The following ZNF2 variants were observed in gnomAD, a reference collection of about 807,000 sequenced individuals.
ZNF2 encodes zinc finger protein 2.
Under a neutral mutation model 21.9 loss-of-function variants are expected in ZNF2, and 12 were observed. That is an observed-to-expected ratio of 0.55 (90% confidence interval 0.35 to 0.89). The LOEUF is 0.89. Ranked by LOEUF, ZNF2 falls within the 40% of genes least tolerant of loss-of-function variation. The pLI, the probability that ZNF2 is intolerant of heterozygous loss-of-function variation, is 0.01. For missense variants in ZNF2, 462 were observed against 544.2 expected (o/e 0.85, Z 1.50); for synonymous variants, 186 against 196.3 (o/e 0.95, Z 0.44).
intron 3 of ZNF2, 102 bp from the exon 4 acceptor site, chr2:95,180,057 A>T (rs1674584511): frequency 1.2e-6 from 1 of 827,566 alleles, no homozygotes; most frequent in Non-Finnish European, 2.0e-6. Context: ...ATGCTGTCTC[A>T]ACAACAACAA....
intron 1 of ZNF2, among the ~76,000 whole-genome samples, chr2:95,171,034 G>A (rs1169956214): frequency 1.3e-5 from 2 of 152,096 alleles, no homozygotes; most frequent in Non-Finnish European, 2.9e-5. Context: ...TGCCTTCCTT[G>A]TATTACAACT....
intron 1 of ZNF2, among the ~76,000 whole-genome samples, chr2:95,167,643 T>A (rs1219858841): frequency 1.4e-5 from 2 of 142,484 alleles, no homozygotes; most frequent in African/African-American, 2.6e-5. Context: ...ACGTCAGGAG[T>A]TCAAGACCAG....
intron 1 of ZNF2, among the ~76,000 whole-genome samples, chr2:95,167,187 C>G (rs928123698): frequency 6.6e-6 from 1 of 152,064 alleles, no homozygotes; most frequent in Non-Finnish European, 1.5e-5. Flanking sequence ...GAAGCTTGTC[C>G]GAACAGTGAA....
chr2:95,169,509 C>T (rs760505161), intron 1 of ZNF2, among the ~76,000 whole-genome samples: 2 of 152,212 alleles, frequency 1.3e-5, no homozygotes, highest in Non-Finnish European at 2.9e-5. Context: ...AATCTCAGCA[C>T]TTTGGGATGC....
rs1466455196 is a variant in ZNF2, at chr2:95,176,294, T to G, written c.33+35T>G. The G allele has an allele frequency of 1.9e-6, 3 of 1,614,032 alleles. No individual in the cohort carries two copies. The South Asian group carries it at 3.3e-5, about 18-fold the overall frequency. On this transcript the variant is annotated intron_variant, in intron 2 of 4. Transcript: ENST00000614034. ...ACTTTTGTGTTCCCGAAATACTCCA[T>G]TCATCTCCAGAATGTAACCACTTTT...
At chr2:95,171,915 G>A (rs1674285839) in intron 1 of ZNF2, among the ~76,000 whole-genome samples, 1 of 152,122 alleles carries the variant, frequency 6.6e-6, no homozygotes, top group South Asian at 2.1e-4. Context: ...CTCAAGACTC[G>A]ACCCATAGTT....
intron 1 of ZNF2, among the ~76,000 whole-genome samples, chr2:95,172,881 C>T (rs1229006951): frequency 6.6e-6 from 1 of 152,096 alleles, no homozygotes; most frequent in East Asian, 1.9e-4. Context: ...AAGTGATCCA[C>T]ACGCCTCGGT....
At position 95,183,810 on chromosome 2, in the gene ZNF2, C is replaced by T. The variant is rs971178343; in HGVS notation, c.*1704C>T. ...TAATTTTTTGTATTTTTAGTAGAGACGGGGTTTCACCGTGTTAGCCAGGAT... is the reference window on the plus strand; with the variant it reads ...TAATTTTTTGTATTTTTAGTAGAGATGGGGTTTCACCGTGTTAGCCAGGAT... On this transcript the variant is annotated 3_prime_UTR_variant, in exon 5 of 5. Coordinates refer to ENST00000614034, the MANE Select transcript of ZNF2 (RefSeq NM_021088.4). 3.9e-5 allele frequency: 6 copies of T among 152,012 alleles called. No individual in the cohort carries two copies. Among genetic ancestry groups the T allele is most frequent in the African/African-American group, 7.2e-5 (3 of 41,466 alleles). 9.4% of individuals were successfully genotyped at this position (152,012 alleles called of 1,614,324 possible). A position where few individuals can be genotyped will look rare whatever the true frequency, so the allele number is the denominator to read the frequency against.
chr2:95,167,529 A>G (rs557171597), intron 1 of ZNF2, among the ~76,000 whole-genome samples: 84 of 151,130 alleles, frequency 5.6e-4, no homozygotes, highest in African/African-American at 1.9e-3. Flanking sequence ...AAAAAAAAGA[A>G]AGAAATAGAG....
At chr2:95,175,768 A>G (rs1052490656) in intron 1 of ZNF2, among the ~76,000 whole-genome samples, 8 of 152,224 alleles carry the variant, frequency 5.3e-5, no homozygotes, top group African/African-American at 1.9e-4. Context: ...AGCAAGGGCT[A>G]TGAGTGGGGT....
rs540052642 is a variant in ZNF2 at position 95,178,282 on chromosome 2, A to G, written c.160+673A>G. Among the ~76,000 whole-genome samples the G allele has an allele frequency of 2.6e-5, 4 of 152,286 alleles. No homozygotes were observed. In the South Asian group the frequency reaches 8.3e-4, roughly 32 times the overall value. ...CACGAGAGGCTGAGAGAGTGCCCAG[A>G]TTGAGAAACCGGCTTAAAATAAGCA... On this transcript the variant is annotated intron_variant, in intron 3 of 4. Transcript: ENST00000614034.
rs1484179111 is a variant in ZNF2 at position 95,183,426 on chromosome 2, A to G, written c.*1320A>G. The G allele has an allele frequency of 6.6e-6, 1 of 152,170 alleles. No individual in the cohort carries two copies. The highest frequency in any genetic ancestry group is 6.5e-5 in the Admixed American group (1 of 15,274). The allele number at this position is 152,170 out of a possible 1,614,324, so 9.4% of individuals were successfully genotyped here. A position where few individuals can be genotyped will look rare whatever the true frequency, so the allele number is the denominator to read the frequency against. ...AACCTCTCTCACAGTTATATTTTGC[A>G]TACTACTGTTAAGCCAGTCTTTGCA... On this transcript the variant is annotated 3_prime_UTR_variant, in exon 5 of 5. Transcript: ENST00000614034.
At chr2:95,167,909 T>C (rs1160194361) in intron 1 of ZNF2, among the ~76,000 whole-genome samples, 1 of 151,382 alleles carries the variant, frequency 6.6e-6, no homozygotes, top group Non-Finnish European at 1.5e-5. Flanking sequence ...GGGCAAAAGC[T>C]GAAAAACAGG....
In ZNF2 at chr2:95,184,299, A is replaced by C. The variant is rs1309501660; in HGVS notation, c.*2193A>C. On this transcript the variant is annotated 3_prime_UTR_variant, in exon 5 of 5. Coordinates refer to ENST00000614034, the MANE Select transcript of ZNF2 (RefSeq NM_021088.4). ...TGCTAAATAATGTCAAGTAGGAAAT[A>C]AAAGAGACTATTGACAAACTTTTGG... 1 of 152,230 alleles carries C rather than the reference A, an allele frequency of 6.6e-6. No individual in the cohort carries two copies. The highest frequency in any genetic ancestry group is 2.4e-5 in the African/African-American group (1 of 41,468). The allele number at this position is 152,230 out of a possible 1,614,324, so 9.4% of individuals were successfully genotyped here. A position where few individuals can be genotyped will look rare whatever the true frequency, so the allele number is the denominator to read the frequency against.
Position 95,182,244 on chromosome 2 carries a change from A to T in ZNF2, c.*138A>T. The T allele has an allele frequency of 3.8e-6, 4 of 1,059,042 alleles. No individual in the cohort carries two copies. The highest frequency in any genetic ancestry group is 5.4e-6 in the Non-Finnish European group (4 of 744,450). The allele number at this position is 1,059,042 out of a possible 1,614,324, so 65.6% of individuals were successfully genotyped here. Reference sequence around the variant, plus strand: ...TCCTGCTTCTGCGCCAGAGTGTTTAATAAGCACTCCCTTCCTGCTGTGTTA... The same window carrying T: ...TCCTGCTTCTGCGCCAGAGTGTTTATTAAGCACTCCCTTCCTGCTGTGTTA... On this transcript the variant is annotated 3_prime_UTR_variant, in exon 5 of 5. Coordinates refer to ENST00000614034, the MANE Select transcript of ZNF2 (RefSeq NM_021088.4).
chr2:95,168,932 A>G (rs1186806563), intron 1 of ZNF2, among the ~76,000 whole-genome samples: 2 of 152,236 alleles, frequency 1.3e-5, no homozygotes, highest in African/African-American at 4.8e-5. Context: ...TGTAGCTAAG[A>G]TGGGAGCAGT....
chr2:95,177,385 C>T, intron 2 of ZNF2, 98 bp from the exon 3 acceptor site: 2 of 1,422,290 alleles, frequency 1.4e-6, no homozygotes, highest in East Asian at 4.7e-5. Context: ...TCTTTCCTCC[C>T]ACCATGCGTC....
At position 95,184,060 on chromosome 2, in the gene ZNF2, T is replaced by C. The variant is rs1674780485; in HGVS notation, c.*1954T>C. On this transcript the variant is annotated 3_prime_UTR_variant, in exon 5 of 5. Transcript: ENST00000614034. ...TCTGGAATTAGATTGTCCTACGTGATTCCCAGTGAATTGAGATGAATTTCC... is the reference window on the plus strand; with the variant it reads ...TCTGGAATTAGATTGTCCTACGTGACTCCCAGTGAATTGAGATGAATTTCC... 1.3e-5 allele frequency: 2 copies of C among 152,180 alleles called. No homozygotes were observed. Among genetic ancestry groups the C allele is most frequent in the Non-Finnish European group, 2.9e-5 (2 of 68,042 alleles). 9.4% of individuals were successfully genotyped at this position (152,180 alleles called of 1,614,324 possible).
At chr2:95,179,496 C>T (rs899090876) in intron 3 of ZNF2, among the ~76,000 whole-genome samples, 6 of 152,192 alleles carry the variant, frequency 3.9e-5, no homozygotes, top group African/African-American at 1.4e-4. Flanking sequence ...AGTTTGGATA[C>T]ACTTTTTACT....
Sources: gnomAD v4.1 joint callset for allele counts (sites outside exome capture counted in the v4.1 genomes callset) on GRCh38, gnomAD v4.1.1 for gene constraint, MANE v1.5 for transcripts, NCBI Gene and HGNC (gene_info 2026-07-23, HGNC 2026-07-21) for gene names.